The following ULK4 variants were observed in gnomAD, a reference collection of about 807,000 sequenced individuals.
The protein encoded by ULK4 is inactive serine/threonine-protein kinase ULK4.
In ULK4, 133 loss-of-function variants were observed where a neutral mutation model predicts 160.6. That is an observed-to-expected ratio of 0.83 (90% CI 0.72 to 0.96). The LOEUF (loss-of-function observed/expected upper bound fraction) is 0.96. Among genes scored for constraint, ULK4 ranks in the 40% least tolerant of loss-of-function variants. ULK4 has a pLI of 0.00. For synonymous variants in ULK4, 534 were observed against 539.8 expected, an observed-to-expected ratio of 0.99 and a Z score of 0.15; for missense variants, 1,580 against 1,499.5, an observed-to-expected ratio of 1.05 and a Z score of -0.89.
At chr3:41,757,660 G>A (rs961276902) in intron 21 of ULK4, among the ~76,000 whole-genome samples, 2 of 146,596 alleles carry the variant, frequency 1.4e-5, no homozygotes, top group African/African-American at 5.1e-5. Context: ...AAAGTTAAGA[G>A]TCTCACTCTG....
intron 35 of ULK4, among the ~76,000 whole-genome samples, chr3:41,290,750 G>T (rs923178785): frequency 5.9e-5 from 9 of 152,214 alleles, no homozygotes; most frequent in African/African-American, 2.2e-4. Context: ...TGTGGTACAC[G>T]TATGCTCATA....
intron 32 of ULK4, among the ~76,000 whole-genome samples, chr3:41,484,731 C>T (rs1039405438): frequency 1.1e-4 from 16 of 152,084 alleles, no homozygotes; most frequent in Non-Finnish European, 2.4e-4. Context: ...GGATTACAGG[C>T]GTGAGCCACC....
intron 32 of ULK4, among the ~76,000 whole-genome samples, chr3:41,470,044 A>AAAAAAAAAAAAAAAAAAAAAAAAAAAAAC (rs1415943037): frequency 1.4e-4 from 16 of 116,678 alleles, no homozygotes; most frequent in African/African-American, 1.8e-4. Context: ...AAAAAAAAAA[A>AAAAAAAAAAAAAAAAAAAAAAAAAAAAAC]AACAAAGTAT....
chr3:41,769,924 A>G (rs2039297775), intron 21 of ULK4, among the ~76,000 whole-genome samples: 1 of 152,212 alleles, frequency 6.6e-6, no homozygotes. Flanking sequence ...AGCCTGAAAG[A>G]AAAACAGTGA....
intron 17 of ULK4, among the ~76,000 whole-genome samples, chr3:41,872,800 C>A (rs904362707): frequency 6.6e-6 from 1 of 151,420 alleles, no homozygotes; most frequent in African/African-American, 2.4e-5. Flanking sequence ...AAAAAAAAAA[C>A]TGCAGTTGAA....
chr3:41,344,973 T>C (rs574458637), intron 35 of ULK4, among the ~76,000 whole-genome samples: 2 of 152,104 alleles, frequency 1.3e-5, no homozygotes, highest in East Asian at 3.9e-4. Context: ...GCAAAGGACA[T>C]GAACAGACAC....
chr3:41,678,325 T>C (rs989669999), intron 29 of ULK4, among the ~76,000 whole-genome samples: 1 of 152,104 alleles, frequency 6.6e-6, no homozygotes, highest in Non-Finnish European at 1.5e-5. Flanking sequence ...CTGATAAGCA[T>C]CTGGAACGTG....
chr3:41,313,729 A>G (rs2080095373), intron 35 of ULK4, among the ~76,000 whole-genome samples: 1 of 152,172 alleles, frequency 6.6e-6, no homozygotes. Flanking sequence ...CTTCAGTTCT[A>G]TAGTGGTTTT....
intron 27 of ULK4, among the ~76,000 whole-genome samples, chr3:41,689,992 G>A (rs1318178356): frequency 1.4e-4 from 20 of 147,770 alleles, no homozygotes; most frequent in Non-Finnish European, 2.4e-4. Flanking sequence ...ACATGCACAC[G>A]TATGTTTACT....
chr3:41,309,423 A>G (rs1250020790), intron 35 of ULK4, among the ~76,000 whole-genome samples: 1 of 152,136 alleles, frequency 6.6e-6, no homozygotes, highest in South Asian at 2.1e-4. Flanking sequence ...CTACAATCCC[A>G]GATTCCTAGG....
At chr3:41,676,204 A>C (rs1457928748) in intron 29 of ULK4, among the ~76,000 whole-genome samples, 2 of 152,260 alleles carry the variant, frequency 1.3e-5, no homozygotes, top group African/African-American at 2.4e-5. Context: ...AGATATTTAC[A>C]GTTTAATTGT....
chr3:41,352,050 AG>A (rs2080921277), intron 35 of ULK4, among the ~76,000 whole-genome samples: 1 of 152,228 alleles, frequency 6.6e-6, no homozygotes, highest in African/African-American at 2.4e-5. Flanking sequence ...AAGTCAAAAA[AG>A]GTTCCTTAAG....
intron 21 of ULK4, among the ~76,000 whole-genome samples, chr3:41,776,183 T>C (rs1385733909): frequency 1.3e-5 from 2 of 151,098 alleles, no homozygotes; most frequent in Non-Finnish European, 2.9e-5. Context: ...ATTTTATCCA[T>C]CAGTTTCTAA....
At chr3:41,761,876 G>A (rs1167595833) in intron 21 of ULK4, among the ~76,000 whole-genome samples, 1 of 152,000 alleles carries the variant, frequency 6.6e-6, no homozygotes, top group East Asian at 1.9e-4. Flanking sequence ...AGGAGTTCCA[G>A]ACCAGCCTGG....
At chr3:41,862,925 C>G (rs2042537308) in intron 17 of ULK4, among the ~76,000 whole-genome samples, 1 of 152,078 alleles carries the variant, frequency 6.6e-6, no homozygotes, top group South Asian at 2.1e-4. Flanking sequence ...AGTGCTAGGT[C>G]TTACCCAAGG....
intron 34 of ULK4, among the ~76,000 whole-genome samples, chr3:41,446,023 T>C (rs966619193): frequency 1.3e-5 from 2 of 151,566 alleles, no homozygotes; most frequent in African/African-American, 2.4e-5. Flanking sequence ...CAAACAAATT[T>C]ACAAGAAAAA....
intron 32 of ULK4, among the ~76,000 whole-genome samples, chr3:41,484,464 TTG>T (rs1303603169): frequency 7.0e-6 from 1 of 142,002 alleles, no homozygotes; most frequent in Non-Finnish European, 1.6e-5. Flanking sequence ...TTTCCTTTTT[TTG>T]TTTTGAGATG....
At chr3:41,791,713 A>T (rs1278703411) in intron 20 of ULK4, among the ~76,000 whole-genome samples, 1 of 152,170 alleles carries the variant, frequency 6.6e-6, no homozygotes, top group Non-Finnish European at 1.5e-5. Flanking sequence ...TGAAATAAAC[A>T]TTTATGGGAG....
intron 18 of ULK4, among the ~76,000 whole-genome samples, chr3:41,824,359 G>C (rs1676977863): frequency 6.6e-6 from 1 of 151,984 alleles, no homozygotes; most frequent in South Asian, 2.1e-4. Context: ...AGACAAAGCA[G>C]GGTGAGGCAT....
Sources: allele counts gnomAD v4.1 joint callset (sites outside exome capture counted in the v4.1 genomes callset), GRCh38; gene constraint gnomAD v4.1.1; transcripts MANE v1.5; gene names NCBI Gene and HGNC (gene_info 2026-07-23, HGNC 2026-07-21).